Variants in CNTNAP4 observed in about 807,000 individuals in gnomAD.
CNTNAP4 encodes contactin-associated protein-like 4.
A neutral mutation model predicts 148.4 loss-of-function variants in CNTNAP4; 98 were observed. That is an observed-to-expected ratio of 0.66 (90% confidence interval 0.56 to 0.78). CNTNAP4 has a LOEUF of 0.78. CNTNAP4 is among the 30% of genes least tolerant of loss of function. The pLI, the probability that CNTNAP4 is intolerant of heterozygous loss-of-function variation, is 0.00. For missense variants in CNTNAP4, 1,935 were observed against 1,565.6 expected, an observed-to-expected ratio of 1.24 and a Z score of -3.98; for synonymous variants, 730 against 565.1, an observed-to-expected ratio of 1.29 and a Z score of -4.14.
Position 76,277,605 on chromosome 16 carries a change from G to T in CNTNAP4, c.-58G>T. On this transcript the variant is annotated 5_prime_UTR_variant, in exon 1 of 24. Coordinates refer to ENST00000611870, the MANE Select transcript of CNTNAP4 (RefSeq NM_033401.5). ...GAGCTGGCAGAGCTACTGAGAAGAGGACTGGAGCGCTCTGAGAGCCTCTCA... is the reference window on the plus strand; with the variant it reads ...GAGCTGGCAGAGCTACTGAGAAGAGTACTGGAGCGCTCTGAGAGCCTCTCA... 5.9e-6 allele frequency: 7 copies of T among 1,185,112 alleles called. No individual in the cohort carries two copies. The highest frequency in any genetic ancestry group is 1.3e-5 in the South Asian group (1 of 77,020). The allele number at this position is 1,185,112 out of a possible 1,614,324, so 73.4% of individuals were successfully genotyped here.
chr16:76,319,269 G>A (rs965315971), intron 2 of CNTNAP4, among the ~76,000 whole-genome samples: 3 of 151,954 alleles, frequency 2.0e-5, no homozygotes, highest in East Asian at 1.9e-4. Context: ...GTGTACACCC[G>A]CGGTCCTAGC....
intron 21 of CNTNAP4, among the ~76,000 whole-genome samples, chr16:76,547,531 G>A (rs1213979127): frequency 6.6e-6 from 1 of 152,170 alleles, no homozygotes; most frequent in Non-Finnish European, 1.5e-5. Flanking sequence ...AAACCAGGTT[G>A]CATCAAATTA....
At position 76,420,805 on chromosome 16, in the gene CNTNAP4, C is replaced by A. The variant is rs560287061; in HGVS notation, c.391-6647C>A. ...CTCTTTGGGTTTTCTTCTTCTAGATCTTGGACATTTAATATTTTATTATAT... is the reference window on the plus strand; with the variant it reads ...CTCTTTGGGTTTTCTTCTTCTAGATATTGGACATTTAATATTTTATTATAT... On this transcript the variant is annotated intron_variant, in intron 3 of 23. Coordinates refer to ENST00000611870, the MANE Select transcript of CNTNAP4 (RefSeq NM_033401.5). 1.2e-4 allele frequency among the ~76,000 whole-genome samples: 19 copies of A among 152,030 alleles called. No individual in the cohort carries two copies. The South Asian group carries it at 3.3e-3, about 27-fold the overall frequency.
chr16:76,361,466 A>T (rs769234833), intron 3 of CNTNAP4, among the ~76,000 whole-genome samples: 1 of 152,212 alleles, frequency 6.6e-6, no homozygotes, highest in Non-Finnish European at 1.5e-5. Flanking sequence ...TTTGTGCTGA[A>T]AGAATTTTGA....
intron 3 of CNTNAP4, among the ~76,000 whole-genome samples, chr16:76,382,522 A>G (rs1048676220): frequency 1.3e-5 from 2 of 152,194 alleles, no homozygotes; most frequent in African/African-American, 4.8e-5. Context: ...ATTGGAAATA[A>G]TAATTTTCAA....
chr16:76,431,780 C>CT (rs932525971), intron 4 of CNTNAP4, among the ~76,000 whole-genome samples: 6 of 148,886 alleles, frequency 4.0e-5, no homozygotes, highest in Non-Finnish European at 7.5e-5. Context: ...ATCAAATTTG[C>CT]TTTTTTTCTT....
chr16:76,355,520 T>C lies in CNTNAP4; in HGVS notation c.390+9T>C. The C allele has an allele frequency of 6.3e-7, 1 of 1,579,738 alleles. No individual in the cohort carries two copies. Among genetic ancestry groups the C allele is most frequent in the Non-Finnish European group, 8.6e-7 (1 of 1,162,928 alleles). On this transcript the variant is annotated intron_variant, in intron 3 of 23. Transcript: ENST00000611870. The stretch of plus-strand genomic sequence containing the variant: ...AAGAGGACAGCATCTGGGTATGTTC[T>C]TTAACAAAAGACATAGTCTCTCGGG...
chr16:76,326,010 A>G (rs538234695), intron 2 of CNTNAP4, among the ~76,000 whole-genome samples: 48 of 152,338 alleles, frequency 3.2e-4, no homozygotes, highest in African/African-American at 1.2e-3. Flanking sequence ...CTACAAGTTA[A>G]TATGCCTTCA....
chr16:76,484,538 C>T (rs1003041359), intron 12 of CNTNAP4, among the ~76,000 whole-genome samples: 1 of 152,128 alleles, frequency 6.6e-6, no homozygotes, highest in African/African-American at 2.4e-5. Flanking sequence ...CTACTTGAAA[C>T]TTTCCTTATT....
intron 14 of CNTNAP4, 45 bp from the exon 15 acceptor site, chr16:76,498,522 C>G: frequency 6.4e-7 from 1 of 1,573,776 alleles, no homozygotes; most frequent in Non-Finnish European, 8.6e-7. Context: ...GCAATAAGGA[C>G]TATTAAAAGT....
At chr16:76,512,629 A>G (rs2083072052) in intron 15 of CNTNAP4, among the ~76,000 whole-genome samples, 1 of 152,180 alleles carries the variant, frequency 6.6e-6, no homozygotes, top group Non-Finnish European at 1.5e-5. Flanking sequence ...TTAAACATTC[A>G]GGAAGAGATG....
intron 1 of CNTNAP4, among the ~76,000 whole-genome samples, chr16:76,285,838 T>C (rs1013455978): frequency 2.2e-4 from 34 of 152,148 alleles, no homozygotes; most frequent in African/African-American, 7.7e-4. Context: ...TTAGGGTTGA[T>C]AGTTGCTTGG....
chr16:76,367,350 A>G (rs1597336487), intron 3 of CNTNAP4, among the ~76,000 whole-genome samples: 1 of 152,288 alleles, frequency 6.6e-6, no homozygotes, highest in South Asian at 2.1e-4. Flanking sequence ...TACACATGTA[A>G]TATTGGACGG....
At chr16:76,479,594 CAAAATT>C in intron 12 of CNTNAP4, 56 bp downstream of exon 12, 1 of 1,540,554 alleles carries the variant, frequency 6.5e-7, no homozygotes, top group Admixed American at 2.0e-5. Context: ...TTTAAATAGG[CAAAATT>C]AAAATGAAAT....
intron 8 of CNTNAP4, among the ~76,000 whole-genome samples, chr16:76,454,624 T>A (rs2080651766): frequency 6.6e-6 from 1 of 152,196 alleles, no homozygotes; most frequent in Non-Finnish European, 1.5e-5. Flanking sequence ...TTTTTGCTAG[T>A]TCCCGTGAAG....
intron 3 of CNTNAP4, among the ~76,000 whole-genome samples, chr16:76,365,709 G>A (rs1187569427): frequency 2.9e-5 from 4 of 137,398 alleles, no homozygotes; most frequent in South Asian, 2.2e-4. Flanking sequence ...CTGAGATCAC[G>A]CCACTGCACT....
chr16:76,517,303 A>G (rs547342570), intron 15 of CNTNAP4, among the ~76,000 whole-genome samples: 52 of 152,154 alleles, frequency 3.4e-4, no homozygotes, highest in Non-Finnish European at 6.6e-4. Flanking sequence ...CAGTGTCACT[A>G]TCCTGGTTTT....
At chr16:76,470,792 A>C (rs908920039) in intron 10 of CNTNAP4, among the ~76,000 whole-genome samples, 1 of 152,182 alleles carries the variant, frequency 6.6e-6, no homozygotes, top group Admixed American at 6.5e-5. Flanking sequence ...AAAGGTGTAA[A>C]TACAAATACA....
Position 76,551,502 on chromosome 16 carries a change from T to C in CNTNAP4, c.3443-1781T>C, listed in dbSNP as rs899719767. 2.6e-5 allele frequency among the ~76,000 whole-genome samples: 4 copies of C among 151,696 alleles called. No individual in the cohort carries two copies. In the South Asian group the frequency reaches 8.3e-4, roughly 31 times the overall value. On this transcript the variant is annotated intron_variant, in intron 21 of 23. Coordinates refer to ENST00000611870, the MANE Select transcript of CNTNAP4 (RefSeq NM_033401.5). Reference sequence around the variant, plus strand: ...TAAAAAATAAATAAATAAAAGCCACTACAGAGACTGAAAGCAGAGTAAAGG... The same window carrying C: ...TAAAAAATAAATAAATAAAAGCCACCACAGAGACTGAAAGCAGAGTAAAGG...
Sources: gnomAD v4.1 joint callset for allele counts (sites outside exome capture counted in the v4.1 genomes callset) on GRCh38, gnomAD v4.1.1 for gene constraint, MANE v1.5 for transcripts, NCBI Gene and HGNC (gene_info 2026-07-23, HGNC 2026-07-21) for gene names.